The following ATL3 variants were observed in gnomAD, a reference collection of about 807,000 sequenced individuals.
The protein encoded by ATL3 is atlastin GTPase 3, also known as atlastin-3.
In ATL3, 49 loss-of-function variants were observed where a neutral mutation model predicts 69.5. The observed-to-expected ratio is 0.71, with a 90% confidence interval of 0.56 to 0.89. The LOEUF (loss-of-function observed/expected upper bound fraction) is 0.89, where lower values mean the gene tolerates loss of function less well. ATL3 is among the 40% of genes least tolerant of loss of function. The pLI is 0.00. For synonymous variants in ATL3, 214 were observed against 224.1 expected (o/e 0.95, Z 0.40); for missense variants, 606 against 645.7 (o/e 0.94, Z 0.67).
At chr11:63,636,686 C>A (rs932773659) in intron 8 of ATL3, among the ~76,000 whole-genome samples, 1 of 151,128 alleles carries the variant, frequency 6.6e-6, no homozygotes, top group Non-Finnish European at 1.5e-5. Flanking sequence ...TTGCAGTGAG[C>A]CAAGATTGCA....
chr11:63,634,168 T>C (rs1939432142), intron 10 of ATL3, among the ~76,000 whole-genome samples: 1 of 126,010 alleles, frequency 7.9e-6, no homozygotes, highest in African/African-American at 3.1e-5. Context: ...TCAACACAGC[T>C]AGATCCTGTT....
At chr11:63,651,913 A>C in intron 5 of ATL3, 23 bp downstream of exon 5, 1 of 1,580,140 alleles carries the variant, frequency 6.3e-7, no homozygotes, top group South Asian at 1.2e-5. Context: ...TATGATGTTA[A>C]AATTGTTATG....
chr11:63,645,716 C>T (rs961690117), intron 6 of ATL3, among the ~76,000 whole-genome samples: 4 of 151,808 alleles, frequency 2.6e-5, no homozygotes, highest in Non-Finnish European at 5.9e-5. Context: ...TCAACCCCAC[C>T]GAGTAGCTGG....
intron 1 of ATL3, among the ~76,000 whole-genome samples, chr11:63,662,226 A>AAG (rs1555057274): frequency 8.6e-5 from 13 of 151,628 alleles, no homozygotes; most frequent in African/African-American, 3.1e-4. Flanking sequence ...AAAAAAAAAA[A>AAG]AAAGAAAGAA....
chr11:63,654,901 A>C (rs1318306534), intron 3 of ATL3, among the ~76,000 whole-genome samples: 1 of 151,958 alleles, frequency 6.6e-6, no homozygotes, highest in Non-Finnish European at 1.5e-5. Context: ...GTCTAAAAAA[A>C]AAAAAAAAAG....
intron 1 of ATL3, among the ~76,000 whole-genome samples, chr11:63,667,486 G>C (rs1260921055): frequency 6.6e-6 from 1 of 152,016 alleles, no homozygotes; most frequent in Non-Finnish European, 1.5e-5. Flanking sequence ...AGTGGGCCGG[G>C]TGCAATGGCT....
Position 63,626,283 on chromosome 11 carries a change from G to C in ATL3, c.*3036C>G, listed in dbSNP as rs1321200173. 1 of 152,312 alleles carries C rather than the reference G, an allele frequency of 6.6e-6. No individual in the cohort carries two copies. The highest frequency in any genetic ancestry group is 2.4e-5 in the African/African-American group (1 of 41,444). 9.4% of individuals were successfully genotyped at this position (152,312 alleles called of 1,614,324 possible). Reference sequence around the variant, plus strand: ...TAGTCCCAGCTACTCAGGAAGCTGAGACAGGAGAATCGCTTGAACCTGGGA... The same window carrying C: ...TAGTCCCAGCTACTCAGGAAGCTGACACAGGAGAATCGCTTGAACCTGGGA... On this transcript the variant is annotated 3_prime_UTR_variant, in exon 13 of 13. Coordinates refer to ENST00000398868, the MANE Select transcript of ATL3 (RefSeq NM_015459.5).
At chr11:63,630,925 G>C (rs1939291944) in intron 12 of ATL3, 115 bp downstream of exon 12, 2 of 902,598 alleles carry the variant, frequency 2.2e-6, no homozygotes, top group Admixed American at 5.7e-5. Flanking sequence ...AGCCAACGGA[G>C]TGGCCACTGT....
At chr11:63,661,700 A>G (rs1380026344) in intron 1 of ATL3, among the ~76,000 whole-genome samples, 1 of 151,450 alleles carries the variant, frequency 6.6e-6, no homozygotes, top group East Asian at 1.9e-4. Context: ...GACCAGCCTG[A>G]CCAACATGGA....
At chr11:63,662,927 A>C (rs1316487077) in intron 1 of ATL3, among the ~76,000 whole-genome samples, 1 of 152,180 alleles carries the variant, frequency 6.6e-6, no homozygotes, top group Non-Finnish European at 1.5e-5. Flanking sequence ...CTTAGTACTG[A>C]CAGGCAGACA....
At chr11:63,654,153 T>G (rs1227182075) in intron 3 of ATL3, among the ~76,000 whole-genome samples, 4 of 151,370 alleles carry the variant, frequency 2.6e-5, no homozygotes, top group African/African-American at 4.8e-5. Flanking sequence ...CAATTTGTTT[T>G]TTTTTTTTTT....
chr11:63,649,660 T>C (rs1398149194), intron 5 of ATL3, among the ~76,000 whole-genome samples: 1 of 151,810 alleles, frequency 6.6e-6, no homozygotes. Context: ...GCCTCCCGAG[T>C]AGCTGCGATT....
chr11:63,652,378 G>T, intron 4 of ATL3, 93 bp downstream of exon 4: 1 of 791,744 alleles, frequency 1.3e-6, no homozygotes, highest in Non-Finnish European at 1.9e-6. Context: ...TATCATCCTA[G>T]AAATTCTGTT....
intron 5 of ATL3, chr11:63,650,744 CAAGGT>C (rs1481663807): frequency 6.6e-6 from 1 of 152,240 alleles, no homozygotes; most frequent in East Asian, 1.9e-4. Flanking sequence ...CTACCTCACA[CAAGGT>C]AAGCATTCGA....
chr11:63,671,567 G>A (rs1053116552), upstream of ATL3: 20 of 1,424,696 alleles, frequency 1.4e-5, no homozygotes, highest in Non-Finnish European at 1.8e-5. Context: ...GCGAGGCGGG[G>A]CGGGAAAGCG....
rs1939206918 is a variant in ATL3, at chr11:63,628,821, C to A, written c.*498G>T. The A allele has an allele frequency of 7.5e-6, 1 of 133,314 alleles. No individual in the cohort carries two copies. The highest frequency in any genetic ancestry group is 9.1e-5 in the Admixed American group (1 of 11,040). 8.3% of individuals were successfully genotyped at this position (133,314 alleles called of 1,614,324 possible). On this transcript the variant is annotated 3_prime_UTR_variant, in exon 13 of 13. Transcript: ENST00000398868. Reference sequence around the variant, plus strand: ...ACTGCACTCAAGCCTGGTGACAGAGCGAGACTCCAACTCAAAAAAAAAAAA... The same window carrying A: ...ACTGCACTCAAGCCTGGTGACAGAGAGAGACTCCAACTCAAAAAAAAAAAA...
At chr11:63,652,247 T>C (rs1940100663) in intron 4 of ATL3, among the ~76,000 whole-genome samples, 1 of 152,212 alleles carries the variant, frequency 6.6e-6, no homozygotes, top group Non-Finnish European at 1.5e-5. Flanking sequence ...TAAATTTCCA[T>C]TTTTTGGACT....
intron 3 of ATL3, among the ~76,000 whole-genome samples, chr11:63,654,145 A>ATT (rs1330665161): frequency 4.7e-5 from 7 of 149,152 alleles, no homozygotes; most frequent in Non-Finnish European, 7.4e-5. Flanking sequence ...TAAAGATACA[A>ATT]TTTGTTTTTT....
intron 9 of ATL3, 112 bp downstream of exon 9, chr11:63,636,095 C>T: frequency 7.2e-7 from 1 of 1,395,584 alleles, no homozygotes; most frequent in Admixed American, 2.2e-5. Context: ...TGCCTCTCAC[C>T]ATCTCCCCCA....
Sources: gnomAD v4.1 joint callset for allele counts (sites outside exome capture counted in the v4.1 genomes callset) on GRCh38, gnomAD v4.1.1 for gene constraint, MANE v1.5 for transcripts, NCBI Gene and HGNC (gene_info 2026-07-23, HGNC 2026-07-21) for gene names.